PTPRM: variants seen among roughly 807,000 people sequenced by gnomAD.
PTPRM encodes the protein protein tyrosine phosphatase receptor type M, also known as receptor-type tyrosine-protein phosphatase mu.
Under a neutral mutation model 186.7 loss-of-function variants are expected in PTPRM, and 47 were observed. The ratio of observed to expected loss-of-function variants is 0.25; its 90% confidence interval spans 0.20 to 0.32. PTPRM has a LOEUF of 0.32. PTPRM is among the 10% of genes least tolerant of loss of function. The probability of loss-of-function intolerance (pLI) is 1.00; values close to 1 mark genes in which losing one functional copy is unlikely to be tolerated. For synonymous variants in PTPRM, 668 were observed against 674.9 expected, an observed-to-expected ratio of 0.99 and a Z score of 0.16; for missense variants, 1,494 against 1,865.0, an observed-to-expected ratio of 0.80 and a Z score of 3.66.
At chr18:7,635,554 C>G (rs2038292088) in intron 1 of PTPRM, among the ~76,000 whole-genome samples, 1 of 152,160 alleles carries the variant, frequency 6.6e-6, no homozygotes, top group Non-Finnish European at 1.5e-5. Flanking sequence ...TCTTTTCCAG[C>G]TAAGTGTCCT....
At chr18:8,148,775 C>G (rs1227247100) in intron 14 of PTPRM, among the ~76,000 whole-genome samples, 1 of 152,146 alleles carries the variant, frequency 6.6e-6, no homozygotes, top group Non-Finnish European at 1.5e-5. Context: ...CCTGCTTTCT[C>G]TTGTGGGCCT....
chr18:7,851,522 A>G (rs1421469202), intron 2 of PTPRM, among the ~76,000 whole-genome samples: 1 of 152,208 alleles, frequency 6.6e-6, no homozygotes, highest in East Asian at 1.9e-4. Flanking sequence ...AAATAATGGA[A>G]GCTACAAGAC....
intron 7 of PTPRM, among the ~76,000 whole-genome samples, chr18:8,017,074 C>G (rs78657067): frequency 0.02 from 3,043 of 152,202 alleles, 47 homozygotes; most frequent in Non-Finnish European, 0.028. Context: ...TGGGGTAGCT[C>G]TATTTCTTGC....
rs770399613 is a variant in PTPRM at position 8,147,914 on chromosome 18, G to A, written c.2300+4135G>A. 7.2e-5 allele frequency among the ~76,000 whole-genome samples: 11 copies of A among 152,262 alleles called. No homozygotes were observed. The South Asian group carries it at 1.9e-3, about 26-fold the overall frequency. On this transcript the variant is annotated intron_variant, in intron 14 of 32. Coordinates refer to ENST00000580170, the MANE Select transcript of PTPRM (RefSeq NM_001105244.2). The stretch of plus-strand genomic sequence containing the variant: ...CTATTGAGATAATCATGTGGTTTTT[G>A]TCATTGGTTCTGTTTATGTGATGGG...
chr18:7,859,091 ATAACCTAATTTCTAC>A, intron 2 of PTPRM, among the ~76,000 whole-genome samples: 1 of 152,366 alleles, frequency 6.6e-6, no homozygotes, highest in South Asian at 2.1e-4. Context: ...AGCTTCACTT[ATAACCTAATTTCTAC>A]TGATATTCCC....
intron 1 of PTPRM, among the ~76,000 whole-genome samples, chr18:7,610,488 T>G (rs2037645843): frequency 6.6e-6 from 1 of 152,218 alleles, no homozygotes. Flanking sequence ...TTTCTGAACT[T>G]TATTCAAGTT....
rs746710151 is a variant in PTPRM, at chr18:7,906,597, AT to A, written c.547+17del. ...GACATCCATGTAGTAAGTTGTCTTT[AT>A]TTGTAAATATTCGGGTACATCATTG... On this transcript the variant is annotated intron_variant, in intron 4 of 32. Coordinates refer to ENST00000580170, the MANE Select transcript of PTPRM (RefSeq NM_001105244.2). 4.4e-3 allele frequency: 6,874 copies of A among 1,574,296 alleles called. 59 individuals are homozygous for A. The highest frequency in any genetic ancestry group is 0.022 in the South Asian group (1,997 of 90,198).
Position 8,165,959 on chromosome 18 carries a change from A to G in PTPRM, c.2300+22180A>G, listed in dbSNP as rs1012133528. Among the ~76,000 whole-genome samples the G allele has an allele frequency of 9.2e-5, 14 of 152,288 alleles. No homozygotes were observed. The East Asian group carries it at 2.3e-3, about 25-fold the overall frequency. On this transcript the variant is annotated intron_variant, in intron 14 of 32. Coordinates refer to ENST00000580170, the MANE Select transcript of PTPRM (RefSeq NM_001105244.2). Reference sequence around the variant, plus strand: ...CAGTTGAATGAAGCTCTAATTATGCATCTTGACTTATTCTGTAGTTTCTAA... The same window carrying G: ...CAGTTGAATGAAGCTCTAATTATGCGTCTTGACTTATTCTGTAGTTTCTAA...
At chr18:8,315,644 A>G (rs952149590) in intron 21 of PTPRM, among the ~76,000 whole-genome samples, 6 of 152,176 alleles carry the variant, frequency 3.9e-5, no homozygotes, top group Admixed American at 1.3e-4. Flanking sequence ...TGGCCTTCAC[A>G]CTATTGCTTA....
chr18:7,653,150 T>TATC (rs1555646579), intron 1 of PTPRM, among the ~76,000 whole-genome samples: 38 of 139,322 alleles, frequency 2.7e-4, no homozygotes, highest in African/African-American at 8.6e-4. Flanking sequence ...TTATTATTAT[T>TATC]ATCATTATTG....
chr18:8,377,427 C>T (rs1441091328), intron 26 of PTPRM: 1 of 152,048 alleles, frequency 6.6e-6, no homozygotes, highest in African/African-American at 2.4e-5. Flanking sequence ...AGATAATAAT[C>T]GTAATAATTT....
intron 13 of PTPRM, among the ~76,000 whole-genome samples, chr18:8,123,622 T>C (rs1169429811): frequency 6.6e-6 from 1 of 152,208 alleles, no homozygotes; most frequent in Non-Finnish European, 1.5e-5. Context: ...GTTCTACTTG[T>C]TACAGACTCT....
At chr18:7,950,256 C>T (rs13381485) in intron 6 of PTPRM, among the ~76,000 whole-genome samples, 42,463 of 151,994 alleles carry the variant, frequency 0.28, 7,741 homozygotes, top group African/African-American at 0.52. Flanking sequence ...ATAAAAAAAG[C>T]TAGCCAGGTG....
chr18:8,405,964 C>A, intron 32 of PTPRM, 145 bp from the exon 33 acceptor site: 1 of 769,560 alleles, frequency 1.3e-6, no homozygotes, highest in South Asian at 1.5e-5. Context: ...ATCTGGAGTT[C>A]AGAACCGTGA....
chr18:8,262,568 C>G (rs1172449405), intron 19 of PTPRM, among the ~76,000 whole-genome samples: 1 of 152,194 alleles, frequency 6.6e-6, no homozygotes, highest in Non-Finnish European at 1.5e-5. Flanking sequence ...ACTTCAGCTC[C>G]TCCTTCACTT....
chr18:8,008,546 A>C (rs1399160476), intron 7 of PTPRM, among the ~76,000 whole-genome samples: 1 of 152,140 alleles, frequency 6.6e-6, no homozygotes, highest in Non-Finnish European at 1.5e-5. Flanking sequence ...TTAAATAACT[A>C]GTGATGTTAT....
At chr18:7,861,224 C>T (rs2047364110) in intron 2 of PTPRM, among the ~76,000 whole-genome samples, 1 of 152,108 alleles carries the variant, frequency 6.6e-6, no homozygotes, top group Non-Finnish European at 1.5e-5. Context: ...CCTTTCTTGC[C>T]TTCCCTACAA....
chr18:7,656,665 T>C (rs1328485527), intron 1 of PTPRM, among the ~76,000 whole-genome samples: 2 of 152,090 alleles, frequency 1.3e-5, no homozygotes, highest in Non-Finnish European at 2.9e-5. Flanking sequence ...GTTTTTAGGG[T>C]AGTGAAACCC....
At chr18:8,364,450 G>A (rs1169353038) in intron 23 of PTPRM, among the ~76,000 whole-genome samples, 2 of 152,184 alleles carry the variant, frequency 1.3e-5, no homozygotes, top group African/African-American at 2.4e-5. Context: ...AGCAATCTGT[G>A]TTCTCAGGAT....
Sources: allele counts gnomAD v4.1 joint callset (sites outside exome capture counted in the v4.1 genomes callset), GRCh38; gene constraint gnomAD v4.1.1; transcripts MANE v1.5; gene names NCBI Gene and HGNC (gene_info 2026-07-23, HGNC 2026-07-21).